The following GRAMD1B variants were observed in gnomAD, a reference collection of about 807,000 sequenced individuals.
GRAMD1B encodes GRAM domain containing 1B.
A neutral mutation model predicts 99.7 loss-of-function variants in GRAMD1B; 37 were observed. The ratio of observed to expected loss-of-function variants is 0.37; its 90% CI spans 0.29 to 0.49. The LOEUF is 0.49. Among genes scored for constraint, GRAMD1B ranks in the 20% least tolerant of loss-of-function variants. The probability of loss-of-function intolerance (pLI) is 0.98; values close to 1 mark genes in which losing one functional copy is unlikely to be tolerated. For missense variants in GRAMD1B, 888 were observed against 1,009.2 expected (o/e 0.88, Z 1.63); for synonymous variants, 427 against 387.6 (o/e 1.10, Z -1.19).
At chr11:123,577,223 C>A (rs1291635069) in intron 2 of GRAMD1B, 144 bp from the exon 3 acceptor site, 2 of 708,204 alleles carry the variant, frequency 2.8e-6, no homozygotes, top group Admixed American at 4.6e-5. Flanking sequence ...AGCCTGGGCC[C>A]CTCTCTCCCG....
chr11:123,472,208 A>G (rs936722539), intron 1 of GRAMD1B, among the ~76,000 whole-genome samples: 1 of 151,354 alleles, frequency 6.6e-6, no homozygotes, highest in African/African-American at 2.4e-5. Context: ...AGCCTGGGCA[A>G]TGGAGCAAGA....
chr11:123,522,478 G>A (rs144458585), intron 2 of GRAMD1B, among the ~76,000 whole-genome samples: 4 of 151,964 alleles, frequency 2.6e-5, no homozygotes, highest in African/African-American at 4.8e-5. Context: ...CCTACCACGC[G>A]TGGCTAATTT....
chr11:123,571,317 G>A (rs1243210497), intron 2 of GRAMD1B, among the ~76,000 whole-genome samples: 3 of 152,224 alleles, frequency 2.0e-5, no homozygotes, highest in Non-Finnish European at 4.4e-5. Flanking sequence ...CAAGCAAAGT[G>A]GTGTAGCGGC....
chr11:123,582,084 T>C (rs1949418752), intron 3 of GRAMD1B, among the ~76,000 whole-genome samples: 2 of 152,216 alleles, frequency 1.3e-5, no homozygotes, highest in African/African-American at 4.8e-5. Context: ...GTGACCTGGG[T>C]TGCATTTGAG....
chr11:123,460,566 G>T (rs948488149), intron 1 of GRAMD1B, among the ~76,000 whole-genome samples: 1 of 152,168 alleles, frequency 6.6e-6, no homozygotes, highest in Non-Finnish European at 1.5e-5. Context: ...GAGTGTTAAT[G>T]ACCAGAGTTT....
At chr11:123,621,942 C>T (rs1176236544) in intron 19 of GRAMD1B, among the ~76,000 whole-genome samples, 19 of 148,184 alleles carry the variant, frequency 1.3e-4, no homozygotes, top group African/African-American at 3.2e-4. Context: ...CTTCCTTTCT[C>T]TCTTTCTTTC....
intron 2 of GRAMD1B, among the ~76,000 whole-genome samples, chr11:123,571,080 G>A (rs1404979269): frequency 6.6e-6 from 1 of 152,216 alleles, no homozygotes; most frequent in African/African-American, 2.4e-5. Flanking sequence ...TGGAGGCACC[G>A]GGGGCCAGAG....
upstream of GRAMD1B, among the ~76,000 whole-genome samples, chr11:123,427,270 G>A (rs939104761): frequency 2.0e-5 from 3 of 152,164 alleles, no homozygotes; most frequent in African/African-American, 7.2e-5. Flanking sequence ...CCTCTAAACT[G>A]GCTTCAGAAG....
intron 2 of GRAMD1B, among the ~76,000 whole-genome samples, chr11:123,539,212 G>C (rs1944265650): frequency 6.6e-6 from 1 of 151,756 alleles, no homozygotes; most frequent in African/African-American, 2.4e-5. Flanking sequence ...AGGGTGACAG[G>C]GTAAGACCCT....
At chr11:123,396,472 C>T (rs1027827721) in intron 1 of GRAMD1B, among the ~76,000 whole-genome samples, 2 of 151,946 alleles carry the variant, frequency 1.3e-5, no homozygotes, top group Admixed American at 6.6e-5. Flanking sequence ...GATGGGGTTT[C>T]GCCATGTTGG....
rs909776875 is a variant in GRAMD1B at position 123,560,452 on chromosome 11, A to G, written c.453-16915A>G. The G allele has an allele frequency of 3.3e-6, 4 of 1,198,014 alleles. No individual in the cohort carries two copies. In the South Asian group the frequency reaches 4.6e-5, roughly 14 times the overall value. 74.2% of individuals were successfully genotyped at this position (1,198,014 alleles called of 1,614,324 possible). On this transcript the variant is annotated intron_variant, in intron 2 of 19. Coordinates refer to ENST00000635736, the MANE Select transcript of GRAMD1B (RefSeq NM_001387025.1). ...GCGGTGTGAAACAGCAGAGCAAAGA[A>G]GCGCCCCCAGCTTCTGAGAGCCCTG...
intron 1 of GRAMD1B, among the ~76,000 whole-genome samples, chr11:123,475,878 G>C (rs1320008354): frequency 6.6e-6 from 1 of 152,146 alleles, no homozygotes; most frequent in Non-Finnish European, 1.5e-5. Context: ...TGGCCTGGAG[G>C]TTGCTCTTTT....
chr11:123,386,963 A>G (rs1947085563), intron 1 of GRAMD1B, among the ~76,000 whole-genome samples: 1 of 152,232 alleles, frequency 6.6e-6, no homozygotes, highest in South Asian at 2.1e-4. Context: ...TGAGGGAAAC[A>G]GGAAGGAATG....
intron 19 of GRAMD1B, among the ~76,000 whole-genome samples, chr11:123,621,329 A>G (rs1489989979): frequency 2.0e-5 from 3 of 152,162 alleles, no homozygotes; most frequent in African/African-American, 7.2e-5. Context: ...CCATTTTACA[A>G]TTCTCCTGCC....
At chr11:123,542,101 T>C (rs981836441) in intron 2 of GRAMD1B, among the ~76,000 whole-genome samples, 2 of 152,248 alleles carry the variant, frequency 1.3e-5, no homozygotes, top group Non-Finnish European at 2.9e-5. Context: ...AGCTATGTAT[T>C]TCCTAGTACC....
chr11:123,619,723 TC>T (rs763841566), intron 19 of GRAMD1B: 9 of 163,000 alleles, frequency 5.5e-5, no homozygotes, highest in African/African-American at 1.4e-4. Flanking sequence ...TTGCCTGTAT[TC>T]CCCCCCGCAA....
At chr11:123,394,895 A>G (rs569261305) in intron 1 of GRAMD1B, among the ~76,000 whole-genome samples, 51 of 152,308 alleles carry the variant, frequency 3.3e-4, no homozygotes, top group African/African-American at 9.9e-4. Context: ...TCCTCACTTG[A>G]CAGAAGAGTG....
At chr11:123,565,876 A>G (rs1947313630) in intron 2 of GRAMD1B, among the ~76,000 whole-genome samples, 1 of 152,258 alleles carries the variant, frequency 6.6e-6, no homozygotes, top group Non-Finnish European at 1.5e-5. Flanking sequence ...AAAGGAAATT[A>G]TACAACACCA....
intron 1 of GRAMD1B, among the ~76,000 whole-genome samples, chr11:123,374,083 T>C (rs1170415295): frequency 6.6e-6 from 1 of 152,218 alleles, no homozygotes; most frequent in Non-Finnish European, 1.5e-5. Context: ...TACCTATGGT[T>C]TGATTATTTT....
Sources: gnomAD v4.1 joint callset for allele counts (sites outside exome capture counted in the v4.1 genomes callset) on GRCh38, gnomAD v4.1.1 for gene constraint, MANE v1.5 for transcripts, NCBI Gene and HGNC (gene_info 2026-07-23, HGNC 2026-07-21) for gene names.